Variants in GRID2 observed in about 807,000 individuals in gnomAD.
GRID2 encodes the protein glutamate receptor ionotropic, delta-2.
A neutral mutation model predicts 114.8 loss-of-function variants in GRID2; 33 were observed. The ratio of observed to expected loss-of-function variants is 0.29; its 90% CI spans 0.22 to 0.38. GRID2 has a LOEUF of 0.38. Ranked by LOEUF, GRID2 falls within the 10% of genes least tolerant of loss-of-function variation. The pLI is 1.00. For missense variants in GRID2, 1,184 were observed against 1,257.7 expected (o/e 0.94, Z 0.89); for synonymous variants, 505 against 449.9 (o/e 1.12, Z -1.55).
chr4:92,917,483 T>C (rs532258934), intron 2 of GRID2, among the ~76,000 whole-genome samples: 105 of 152,338 alleles, frequency 6.9e-4, no homozygotes, highest in Non-Finnish European at 1.4e-3. Context: ...CTAGGGTTTT[T>C]ATGGTTTTAG....
intron 2 of GRID2, among the ~76,000 whole-genome samples, chr4:93,067,185 G>T (rs758026819): frequency 2.6e-5 from 4 of 152,142 alleles, no homozygotes; most frequent in Non-Finnish European, 5.9e-5. Context: ...TGAGCTATTT[G>T]CAGTGAGGTT....
intron 14 of GRID2, among the ~76,000 whole-genome samples, chr4:93,636,711 G>A (rs1314913311): frequency 6.6e-6 from 1 of 152,166 alleles, no homozygotes; most frequent in Non-Finnish European, 1.5e-5. Context: ...GAATAAACGT[G>A]TGGGCTTACA....
At chr4:93,491,091 A>G (rs889845775) in intron 12 of GRID2, among the ~76,000 whole-genome samples, 2 of 151,928 alleles carry the variant, frequency 1.3e-5, no homozygotes, top group Non-Finnish European at 2.9e-5. Flanking sequence ...ACACTGTGAA[A>G]AGGAAGAAAA....
chr4:93,050,896 T>C (rs1293481747), intron 2 of GRID2, among the ~76,000 whole-genome samples: 1 of 152,066 alleles, frequency 6.6e-6, no homozygotes, highest in African/African-American at 2.4e-5. Flanking sequence ...CGTTGCAGCA[T>C]TTTAATTGTA....
chr4:92,663,271 T>A (rs376759101), intron 2 of GRID2, among the ~76,000 whole-genome samples: 59 of 151,306 alleles, frequency 3.9e-4, no homozygotes, highest in African/African-American at 1.4e-3. Context: ...TCTTTGCTAA[T>A]AAGGATTAGG....
At chr4:92,705,009 G>A (rs1734890356) in intron 2 of GRID2, among the ~76,000 whole-genome samples, 1 of 151,882 alleles carries the variant, frequency 6.6e-6, no homozygotes, top group Admixed American at 6.6e-5. Context: ...TTGGACATAG[G>A]GGATAGTCTT....
chr4:93,475,240 A>G (rs1382515251), intron 11 of GRID2, among the ~76,000 whole-genome samples: 1 of 152,192 alleles, frequency 6.6e-6, no homozygotes, highest in East Asian at 1.9e-4. Context: ...GAATATGTGG[A>G]AAAGAAATCA....
Position 92,633,947 on chromosome 4 carries a change from A to T in GRID2, c.244+43661A>T, listed in dbSNP as rs193213436. On this transcript the variant is annotated intron_variant, in intron 2 of 15. Coordinates refer to ENST00000282020, the MANE Select transcript of GRID2 (RefSeq NM_001510.4). ...TTATTACTTTCACAAAAGAGAGGAA[A>T]TCGGCAGAACTGAAATAGATAAGCA... 3.1e-3 allele frequency among the ~76,000 whole-genome samples: 470 copies of T among 152,098 alleles called. 2 individuals carry two copies. Among genetic ancestry groups the T allele is most frequent in the African/African-American group, 0.011 (454 of 41,504 alleles).
At chr4:92,730,464 A>G (rs1579930562) in intron 2 of GRID2, among the ~76,000 whole-genome samples, 1 of 152,114 alleles carries the variant, frequency 6.6e-6, no homozygotes, top group East Asian at 1.9e-4. Flanking sequence ...CACAAAAATT[A>G]ATGAATTTTA....
At chr4:93,323,897 T>C (rs1208130221) in intron 8 of GRID2, among the ~76,000 whole-genome samples, 1 of 152,218 alleles carries the variant, frequency 6.6e-6, no homozygotes, top group Non-Finnish European at 1.5e-5. Flanking sequence ...ACAATGATTT[T>C]GTATCCTGAG....
Position 92,996,176 on chromosome 4 carries a change from G to T in GRID2, c.245-88819G>T, listed in dbSNP as rs1755185042. ...ATGGTAGCAGGAGCCTATAATCCCA[G>T]CAACTTGGGAGGCTGAGGCAGGGGA... On this transcript the variant is annotated intron_variant, in intron 2 of 15. Coordinates refer to ENST00000282020, the MANE Select transcript of GRID2 (RefSeq NM_001510.4). Among the ~76,000 whole-genome samples the T allele has an allele frequency of 2.0e-5, 3 of 151,788 alleles. No homozygotes were observed. In the South Asian group the frequency reaches 6.2e-4, roughly 32 times the overall value.
At chr4:93,229,936 T>G (rs1745920239) in intron 7 of GRID2, among the ~76,000 whole-genome samples, 1 of 152,130 alleles carries the variant, frequency 6.6e-6, no homozygotes, top group Non-Finnish European at 1.5e-5. Context: ...TGCCAAATAT[T>G]ATCAGCAGCC....
At chr4:92,741,895 G>C (rs564077139) in intron 2 of GRID2, among the ~76,000 whole-genome samples, 2 of 151,880 alleles carry the variant, frequency 1.3e-5, no homozygotes, top group Non-Finnish European at 2.9e-5. Context: ...TTTTATAAGC[G>C]GTTTTACCTA....
At chr4:93,190,472 A>G (rs1039115253) in intron 4 of GRID2, among the ~76,000 whole-genome samples, 3 of 152,142 alleles carry the variant, frequency 2.0e-5, no homozygotes, top group Non-Finnish European at 2.9e-5. Flanking sequence ...CCACCTGACA[A>G]TTTCAATTAT....
rs980787138 is a variant in GRID2 at position 93,626,330 on chromosome 4, A to G, written c.2255A>G (p.Asn752Ser). The part of the protein sequence containing the change: ...DAAVLEYVAI[N>S]DPDCSFYTIG... Reference sequence around the variant, plus strand: ...GCTGTATTGGAATATGTGGCTATCAATGACCCAGATTGTTCCTTTTACACC... The same window carrying G: ...GCTGTATTGGAATATGTGGCTATCAGTGACCCAGATTGTTCCTTTTACACC... The change falls in exon 14 of 16, where the codon AAT becomes AGT. Residue 752 changes from asparagine to serine, a missense_variant. Coordinates refer to ENST00000282020, the MANE Select transcript of GRID2 (RefSeq NM_001510.4). 1.2e-6 allele frequency: 2 copies of G among 1,602,772 alleles called. No individual in the cohort carries two copies. The highest frequency in any genetic ancestry group is 1.7e-5 in the Admixed American group (1 of 59,964).
At chr4:92,864,849 A>G (rs1560650313) in intron 2 of GRID2, among the ~76,000 whole-genome samples, 1 of 152,216 alleles carries the variant, frequency 6.6e-6, no homozygotes, top group Non-Finnish European at 1.5e-5. Flanking sequence ...TAAATTCAGC[A>G]GTTTATGGAA....
intron 2 of GRID2, among the ~76,000 whole-genome samples, chr4:92,817,979 A>T (rs965331714): frequency 6.6e-6 from 1 of 152,146 alleles, no homozygotes; most frequent in Non-Finnish European, 1.5e-5. Context: ...GCTAAAAACT[A>T]TGTTATCCAA....
chr4:93,600,677 C>G (rs1739583651), intron 13 of GRID2, among the ~76,000 whole-genome samples: 1 of 152,098 alleles, frequency 6.6e-6, no homozygotes, highest in Non-Finnish European at 1.5e-5. Context: ...AAACTAAAGG[C>G]ATATATAGCC....
At chr4:92,461,347 A>G (rs956530944) in intron 1 of GRID2, among the ~76,000 whole-genome samples, 3 of 151,908 alleles carry the variant, frequency 2.0e-5, no homozygotes, top group Non-Finnish European at 2.9e-5. Context: ...TTTTCTTATA[A>G]TGTTGAGAAA....
Sources: allele counts gnomAD v4.1 joint callset (sites outside exome capture counted in the v4.1 genomes callset), GRCh38; gene constraint gnomAD v4.1.1; transcripts MANE v1.5; gene names NCBI Gene and HGNC (gene_info 2026-07-23, HGNC 2026-07-21).